Variants in SHANK2 observed in about 807,000 individuals in gnomAD.
SHANK2 encodes the protein SH3 and multiple ankyrin repeat domains protein 2.
In SHANK2, 43 loss-of-function variants were observed where a neutral mutation model predicts 133.7. The ratio of observed to expected loss-of-function variants is 0.32; its 90% CI spans 0.25 to 0.41. The LOEUF is 0.41. SHANK2 is among the 10% of genes least tolerant of loss of function. The probability of loss-of-function intolerance (pLI) is 1.00; values close to 1 mark genes in which losing one functional copy is unlikely to be tolerated. For missense variants in SHANK2, 1,994 were observed against 2,235.8 expected (o/e 0.89, Z 2.18); for synonymous variants, 1,017 against 952.8 (o/e 1.07, Z -1.24).
chr11:71,077,297 T>C (rs968114468), intron 8 of SHANK2, among the ~76,000 whole-genome samples: 5 of 152,310 alleles, frequency 3.3e-5, no homozygotes, highest in African/African-American at 9.6e-5. Flanking sequence ...CACTGAACAA[T>C]TAATCCACAC....
chr11:71,083,979 T>TTGG (rs1555092236), intron 8 of SHANK2, among the ~76,000 whole-genome samples: 70 of 147,702 alleles, frequency 4.7e-4, no homozygotes, highest in African/African-American at 1.7e-3. Context: ...AACTTTTTTT[T>TTGG]GGGGGGGGGA....
At chr11:70,906,500 G>A (rs569711410) in intron 10 of SHANK2, among the ~76,000 whole-genome samples, 9 of 152,254 alleles carry the variant, frequency 5.9e-5, no homozygotes, top group African/African-American at 2.2e-4. Context: ...CCGCCCCGAC[G>A]AAGCCTCCTT....
At chr11:70,866,719 G>T (rs1040842176) in intron 11 of SHANK2, among the ~76,000 whole-genome samples, 2 of 152,110 alleles carry the variant, frequency 1.3e-5, no homozygotes, top group Admixed American at 6.6e-5. Flanking sequence ...CAACAAATAG[G>T]AGATTTTTGT....
intron 17 of SHANK2, among the ~76,000 whole-genome samples, chr11:70,585,092 C>G (rs1031643500): frequency 7.2e-5 from 11 of 152,362 alleles, no homozygotes; most frequent in Admixed American, 5.2e-4. Context: ...GCCTCGCAGC[C>G]CCTCTGAGCT....
chr11:70,657,564 G>C (rs182492427), intron 17 of SHANK2, among the ~76,000 whole-genome samples: 4 of 152,298 alleles, frequency 2.6e-5, no homozygotes, highest in African/African-American at 9.6e-5. Context: ...GGGTCCAGCT[G>C]CCTGCACCCC....
Position 70,519,446 on chromosome 11 carries a change from G to A in SHANK2, c.2062-16515C>T, listed in dbSNP as rs185729827. On this transcript the variant is annotated intron_variant, in intron 17 of 25. Coordinates refer to ENST00000601538, the MANE Select transcript of SHANK2 (RefSeq NM_012309.5). ...GTGGACCATCTGAGGTCAGGAGTTC[G>A]AGACCAGCCTGACCAACATGGAGAA... Among the ~76,000 whole-genome samples the A allele has an allele frequency of 1.6e-3, 237 of 152,178 alleles. 1 individual carries two copies. The highest frequency in any genetic ancestry group is 3.3e-3 in the African/African-American group (136 of 41,522).
chr11:70,928,498 G>C (rs1950459316), intron 10 of SHANK2, among the ~76,000 whole-genome samples: 1 of 152,174 alleles, frequency 6.6e-6, no homozygotes, highest in Non-Finnish European at 1.5e-5. Flanking sequence ...ATGCAGCAAA[G>C]GGTTTACTGC....
At chr11:71,072,017 T>G (rs2135970552) in intron 9 of SHANK2, among the ~76,000 whole-genome samples, 1 of 152,122 alleles carries the variant, frequency 6.6e-6, no homozygotes, top group Admixed American at 6.5e-5. Context: ...CATCCACATC[T>G]CGACACCCTC....
At chr11:70,490,566 C>A (rs908789516) in intron 22 of SHANK2, among the ~76,000 whole-genome samples, 179 bp from the exon 23 acceptor site, 2 of 152,246 alleles carry the variant, frequency 1.3e-5, no homozygotes, top group Non-Finnish European at 2.9e-5. Context: ...CAGGAAGGTC[C>A]CTCTCTAGGT....
At chr11:71,073,136 C>CTTTTCTTTTTTTTTTTTTTTTTT (rs1951164763) in intron 9 of SHANK2, among the ~76,000 whole-genome samples, 2 of 72,398 alleles carry the variant, frequency 2.8e-5, no homozygotes, top group Admixed American at 1.5e-4. Flanking sequence ...TGTTTTTTTT[C>CTTTTCTTTTTTTTTTTTTTTTTT]TTTTTCTTTT....
intron 11 of SHANK2, among the ~76,000 whole-genome samples, chr11:70,851,658 G>A (rs1367166982): frequency 6.6e-6 from 1 of 152,142 alleles, no homozygotes; most frequent in Non-Finnish European, 1.5e-5. Context: ...CACCTAGCTG[G>A]ACTTTTATGG....
chr11:70,768,469 G>T (rs1947174716), intron 14 of SHANK2, among the ~76,000 whole-genome samples: 2 of 152,182 alleles, frequency 1.3e-5, no homozygotes, highest in South Asian at 4.1e-4. Flanking sequence ...AAGGCCCTTG[G>T]AGTGGCGGCA....
At chr11:70,877,818 A>G (rs561396975) in intron 11 of SHANK2, among the ~76,000 whole-genome samples, 8 of 152,232 alleles carry the variant, frequency 5.3e-5, no homozygotes, top group South Asian at 4.1e-4. Context: ...GGCACATTCT[A>G]TAAATATTCC....
At chr11:70,670,441 G>C (rs938843824) in intron 15 of SHANK2, among the ~76,000 whole-genome samples, 2 of 152,212 alleles carry the variant, frequency 1.3e-5, no homozygotes, top group East Asian at 1.9e-4. Flanking sequence ...ATGCCAGCTC[G>C]GGCGCTTTGG....
intron 11 of SHANK2, among the ~76,000 whole-genome samples, chr11:70,829,282 C>G (rs1948691892): frequency 6.6e-6 from 1 of 152,216 alleles, no homozygotes; most frequent in Non-Finnish European, 1.5e-5. Context: ...TGGACGGGAG[C>G]CACGCAGCAG....
intron 12 of SHANK2, among the ~76,000 whole-genome samples, chr11:70,816,396 C>T (rs1425021086): frequency 2.0e-5 from 3 of 152,198 alleles, no homozygotes; most frequent in African/African-American, 7.2e-5. Flanking sequence ...GCAGCTGCTC[C>T]ACCCTTCAGA....
chr11:71,060,235 C>A (rs1430206223), intron 9 of SHANK2, among the ~76,000 whole-genome samples: 3 of 152,190 alleles, frequency 2.0e-5, no homozygotes, highest in Non-Finnish European at 4.4e-5. Flanking sequence ...TGTGAGGCAT[C>A]CTGCAATTAA....
chr11:70,887,716 G>T lies in SHANK2; in HGVS notation c.1174+8785C>A, dbSNP rs1165214795. On this transcript the variant is annotated intron_variant, in intron 11 of 25. Coordinates refer to ENST00000601538, the MANE Select transcript of SHANK2 (RefSeq NM_012309.5). ...TTAAAGGAAAACATCCCATTGACCA[G>T]GCTGTACACGGCAAGTCAGAAAAAT... 3.3e-5 allele frequency among the ~76,000 whole-genome samples: 5 copies of T among 152,268 alleles called. No individual in the cohort carries two copies. In the East Asian group the frequency reaches 7.7e-4, roughly 24 times the overall value.
intron 2 of SHANK2, among the ~76,000 whole-genome samples, chr11:71,203,527 G>A (rs1027851650): frequency 6.6e-6 from 1 of 152,102 alleles, no homozygotes; most frequent in East Asian, 1.9e-4. Flanking sequence ...TTGAACTGGG[G>A]AGGCAGAGGT....
Sources: gnomAD v4.1 joint callset for allele counts (sites outside exome capture counted in the v4.1 genomes callset) on GRCh38, gnomAD v4.1.1 for gene constraint, MANE v1.5 for transcripts, NCBI Gene and HGNC (gene_info 2026-07-23, HGNC 2026-07-21) for gene names.